FAM83A: variants seen among roughly 807,000 people sequenced by gnomAD.
The protein encoded by FAM83A is scaffolding CK1 anchoring protein A.
A neutral mutation model predicts 24.4 loss-of-function variants in FAM83A; 21 were observed. That is an observed-to-expected ratio of 0.86 (90% confidence interval 0.61 to 1.24). FAM83A has a LOEUF of 1.24. Ranked by LOEUF, FAM83A falls within the 50% of genes most tolerant of loss-of-function variation. FAM83A has a pLI of 0.00. For missense variants in FAM83A, 617 were observed against 579.8 expected, an observed-to-expected ratio of 1.06 and a Z score of -0.66; for synonymous variants, 270 against 252.4, an observed-to-expected ratio of 1.07 and a Z score of -0.66.
chr8:123,195,605 C>T (rs1824122391), intron 3 of FAM83A, among the ~76,000 whole-genome samples: 1 of 152,130 alleles, frequency 6.6e-6, no homozygotes, highest in Non-Finnish European at 1.5e-5. Flanking sequence ...CAATGGAAAC[C>T]CATTACTCAC....
chr8:123,183,030 C>A, exon 1 of FAM83A: 1 of 1,608,386 alleles, frequency 6.2e-7, no homozygotes, highest in Non-Finnish European at 8.5e-7. Flanking sequence ...GCCAGGAAGG[C>A]GAGGTGGACT....
intron 3 of FAM83A, among the ~76,000 whole-genome samples, chr8:123,205,329 A>G (rs1400045699): frequency 6.6e-6 from 1 of 152,186 alleles, no homozygotes; most frequent in Non-Finnish European, 1.5e-5. Flanking sequence ...CCTGATTCAG[A>G]CAACAGAGGG....
At chr8:123,198,499 C>T (rs1168758343) in intron 3 of FAM83A, among the ~76,000 whole-genome samples, 3 of 152,284 alleles carry the variant, frequency 2.0e-5, no homozygotes, top group Middle Eastern at 3.4e-3. Context: ...ATCAGAACTG[C>T]GCTAGGAGTG....
At chr8:123,187,735 G>C (rs1823852701) in intron 1 of FAM83A, among the ~76,000 whole-genome samples, 1 of 152,232 alleles carries the variant, frequency 6.6e-6, no homozygotes, top group African/African-American at 2.4e-5. Context: ...ACACAAAATG[G>C]ACAGGGAGTT....
exon 4 of FAM83A, chr8:123,208,001 T>G: frequency 8.7e-7 from 1 of 1,155,626 alleles, no homozygotes. Context: ...TTAATATTAA[T>G]GGCCCCCAAA....
intron 3 of FAM83A, among the ~76,000 whole-genome samples, chr8:123,205,160 C>T (rs1210883075): frequency 2.0e-5 from 3 of 152,270 alleles, no homozygotes; most frequent in Non-Finnish European, 2.9e-5. Flanking sequence ...GCATGAGATG[C>T]GCGGGTGTGC....
intron 3 of FAM83A, among the ~76,000 whole-genome samples, chr8:123,194,693 A>T (rs1298303727): frequency 6.6e-6 from 1 of 152,236 alleles, no homozygotes; most frequent in Admixed American, 6.5e-5. Flanking sequence ...CATGTTGGCC[A>T]GGCTGGTCTC....
At chr8:123,202,844 G>A (rs1824407595) in intron 3 of FAM83A, 1 of 152,128 alleles carries the variant, frequency 6.6e-6, no homozygotes, top group Admixed American at 6.6e-5. Flanking sequence ...GTACTTGTGG[G>A]TCATGATGTT....
chr8:123,195,517 C>G lies in FAM83A; in HGVS notation c.773+1369C>G, dbSNP rs138098485. Among the ~76,000 whole-genome samples the G allele has an allele frequency of 2.1e-4, 32 of 152,310 alleles. 1 individual carries two copies. The highest frequency in any genetic ancestry group is 6.3e-4 in the African/African-American group (26 of 41,568). ...ATTAACATTGCTACCTCCAGTCTTC[C>G]TTGGGCTTAAATTTGTACAGTGTCT... On this transcript the variant is annotated intron_variant, in intron 3 of 3. Transcript: ENST00000690554.
chr8:123,201,649 G>A (rs1033945317), intron 3 of FAM83A: 3 of 152,198 alleles, frequency 2.0e-5, no homozygotes, highest in Admixed American at 6.5e-5. Flanking sequence ...GCTACCTGGG[G>A]GCTTCAGATA....
At chr8:123,193,061 C>A (rs1017634459) in intron 2 of FAM83A, 1 of 152,308 alleles carries the variant, frequency 6.6e-6, no homozygotes, top group Non-Finnish European at 1.5e-5. Context: ...CAGTATTCCA[C>A]CTCCCTCAGC....
At chr8:123,190,966 A>G (rs1823953950) in intron 1 of FAM83A, among the ~76,000 whole-genome samples, 1 of 152,174 alleles carries the variant, frequency 6.6e-6, no homozygotes, top group South Asian at 2.1e-4. Flanking sequence ...TTATTAGAAT[A>G]ACTTAGATCA....
At chr8:123,188,209 C>T (rs1053950727) in intron 1 of FAM83A, among the ~76,000 whole-genome samples, 2 of 151,808 alleles carry the variant, frequency 1.3e-5, no homozygotes, top group Admixed American at 6.6e-5. Flanking sequence ...ATGGCCGCAT[C>T]GCTCCAATCT....
chr8:123,206,499 G>A (rs1477826728), intron 3 of FAM83A, among the ~76,000 whole-genome samples: 1 of 152,198 alleles, frequency 6.6e-6, no homozygotes, highest in Admixed American at 6.5e-5. Context: ...TTAAAGGCGC[G>A]CTGGCCCTCC....
At chr8:123,179,936 C>T (rs1252508146), upstream of FAM83A, 9 of 152,086 alleles carry the variant, frequency 5.9e-5, no homozygotes, top group Non-Finnish European at 1.3e-4. Context: ...ATTCAGGAAC[C>T]AATCAGAGGA....
intron 3 of FAM83A, among the ~76,000 whole-genome samples, chr8:123,203,742 G>T (rs1824445717): frequency 6.6e-6 from 1 of 151,938 alleles, no homozygotes; most frequent in South Asian, 2.1e-4. Context: ...CAAGAGCACA[G>T]CAGAAAAGTG....
exon 4 of FAM83A, chr8:123,208,013 C>T: frequency 1.8e-6 from 2 of 1,138,210 alleles, no homozygotes; most frequent in Non-Finnish European, 2.2e-6. Flanking sequence ...GCCCCCAAAA[C>T]TCCGTAAGAA....
intron 3 of FAM83A, among the ~76,000 whole-genome samples, chr8:123,203,510 T>C (rs1241264721): frequency 7.2e-6 from 1 of 139,066 alleles, no homozygotes. Context: ...ATCACTTGAA[T>C]CCAGGAGGCA....
chr8:123,208,106 G>A (rs887707213), exon 4 of FAM83A: 2 of 1,007,752 alleles, frequency 2.0e-6, no homozygotes, highest in South Asian at 4.7e-5. Context: ...CTGGTTCCCA[G>A]TGCCCAGGAA....
Sources: allele counts gnomAD v4.1 joint callset (sites outside exome capture counted in the v4.1 genomes callset), GRCh38; gene constraint gnomAD v4.1.1; transcripts MANE v1.5; gene names NCBI Gene and HGNC (gene_info 2026-07-23, HGNC 2026-07-21).